Variants in KIAA1328 observed in about 807,000 individuals in gnomAD.
KIAA1328 encodes KIAA1328.
In KIAA1328, 52 loss-of-function variants were observed where a neutral mutation model predicts 68.1. That is an observed-to-expected ratio of 0.76 (90% CI 0.61 to 0.96). The LOEUF is 0.96. Ranked by LOEUF, KIAA1328 falls within the 40% of genes least tolerant of loss-of-function variation. KIAA1328 has a pLI of 0.00. For synonymous variants in KIAA1328, 232 were observed against 239.4 expected, an observed-to-expected ratio of 0.97 and a Z score of 0.28; for missense variants, 641 against 677.6, an observed-to-expected ratio of 0.95 and a Z score of 0.60.
intron 6 of KIAA1328, among the ~76,000 whole-genome samples, chr18:37,027,301 A>T (rs1056073220): frequency 6.6e-6 from 1 of 152,194 alleles, no homozygotes; most frequent in Admixed American, 6.5e-5. Flanking sequence ...GCCCAAGGTA[A>T]TTTATAGATT....
intron 9 of KIAA1328, among the ~76,000 whole-genome samples, chr18:37,219,668 G>C (rs2060518747): frequency 6.6e-6 from 1 of 152,212 alleles, no homozygotes; most frequent in Non-Finnish European, 1.5e-5. Context: ...TGTGCCATTT[G>C]CTAAGACTGT....
At chr18:36,848,623 C>T (rs187073482) in intron 4 of KIAA1328, among the ~76,000 whole-genome samples, 7 of 128,680 alleles carry the variant, frequency 5.4e-5, no homozygotes, top group Non-Finnish European at 6.3e-5. Context: ...GGTGAATGGA[C>T]GTCTTTGCCT....
chr18:37,200,627 A>T (rs1040728070), intron 9 of KIAA1328, among the ~76,000 whole-genome samples: 1 of 151,654 alleles, frequency 6.6e-6, no homozygotes, highest in African/African-American at 2.4e-5. Flanking sequence ...CTGGCTAACA[A>T]GGTGAAACCC....
chr18:37,123,355 T>C (rs562482319), intron 7 of KIAA1328, among the ~76,000 whole-genome samples: 2 of 152,142 alleles, frequency 1.3e-5, no homozygotes, highest in South Asian at 4.1e-4. Flanking sequence ...CATAATTAGA[T>C]ATGTAACCAA....
At chr18:37,057,044 C>A (rs558319418) in intron 6 of KIAA1328, among the ~76,000 whole-genome samples, 22 of 152,004 alleles carry the variant, frequency 1.4e-4, no homozygotes, top group Non-Finnish European at 2.6e-4. Context: ...GTTTTTGTAG[C>A]CTATGTATAT....
intron 7 of KIAA1328, among the ~76,000 whole-genome samples, chr18:37,115,471 A>C (rs1309010917): frequency 2.6e-5 from 4 of 152,246 alleles, no homozygotes; most frequent in African/African-American, 9.6e-5. Flanking sequence ...ACAGCCCTTC[A>C]TGCTAAAAAC....
At chr18:36,979,083 C>T (rs1426642822) in intron 6 of KIAA1328, among the ~76,000 whole-genome samples, 1 of 152,018 alleles carries the variant, frequency 6.6e-6, no homozygotes, top group Non-Finnish European at 1.5e-5. Context: ...CACTTGAGCC[C>T]AGGAGTTCAA....
chr18:36,904,325 A>G (rs1290195989), intron 5 of KIAA1328, among the ~76,000 whole-genome samples: 1 of 152,122 alleles, frequency 6.6e-6, no homozygotes, highest in Non-Finnish European at 1.5e-5. Context: ...AGAAAGGGGT[A>G]TTAATATCTC....
intron 6 of KIAA1328, among the ~76,000 whole-genome samples, chr18:37,048,975 A>G (rs1286081266): frequency 6.6e-6 from 1 of 152,182 alleles, no homozygotes. Context: ...TGAGGTTGAA[A>G]GTAACATTTT....
At chr18:37,220,071 A>G (rs528019419) in intron 9 of KIAA1328, among the ~76,000 whole-genome samples, 1 of 152,350 alleles carries the variant, frequency 6.6e-6, no homozygotes, top group South Asian at 2.1e-4. Context: ...CAACATTTGC[A>G]TAGATTTCTA....
intron 7 of KIAA1328, chr18:37,075,195 A>G (rs2056676900): frequency 6.6e-6 from 1 of 151,888 alleles, no homozygotes; most frequent in Admixed American, 6.6e-5. Flanking sequence ...CTTAAAGAAA[A>G]GAATTTTCAA....
intron 6 of KIAA1328, among the ~76,000 whole-genome samples, chr18:37,006,645 A>G (rs2053795876): frequency 6.6e-6 from 1 of 152,084 alleles, no homozygotes; most frequent in South Asian, 2.1e-4. Context: ...CATTTACATT[A>G]GGTATAATGC....
chr18:37,154,903 C>G (rs1261513335), intron 7 of KIAA1328, among the ~76,000 whole-genome samples: 5 of 152,114 alleles, frequency 3.3e-5, no homozygotes, highest in African/African-American at 1.2e-4. Context: ...CACTTTCTTC[C>G]TGGACCGAAT....
intron 7 of KIAA1328, among the ~76,000 whole-genome samples, chr18:37,069,577 T>C (rs776107673): frequency 2.0e-5 from 3 of 152,198 alleles, no homozygotes; most frequent in Non-Finnish European, 4.4e-5. Context: ...TGGAAGAGAT[T>C]GTGTAGAATT....
chr18:37,000,157 G>T (rs192372974), intron 6 of KIAA1328, among the ~76,000 whole-genome samples: 1 of 151,996 alleles, frequency 6.6e-6, no homozygotes, highest in Non-Finnish European at 1.5e-5. Flanking sequence ...GTAAAGGGAC[G>T]AAAAAAGATG....
intron 6 of KIAA1328, among the ~76,000 whole-genome samples, chr18:36,972,839 G>A (rs899429493): frequency 6.6e-6 from 1 of 152,056 alleles, no homozygotes; most frequent in Non-Finnish European, 1.5e-5. Flanking sequence ...AGGGCCATTG[G>A]TGCATACACT....
At chr18:37,100,304 A>G (rs1044259597) in intron 7 of KIAA1328, among the ~76,000 whole-genome samples, 2 of 152,192 alleles carry the variant, frequency 1.3e-5, no homozygotes, top group African/African-American at 4.8e-5. Context: ...CACCTGGAAA[A>G]TCGGGTCACT....
chr18:37,079,131 C>G (rs1349288486), intron 7 of KIAA1328, among the ~76,000 whole-genome samples: 1 of 139,272 alleles, frequency 7.2e-6, no homozygotes, highest in African/African-American at 3.0e-5. Flanking sequence ...ACATATACAC[C>G]ATGGAATACT....
At chr18:36,942,052 A>C (rs2050733968) in intron 5 of KIAA1328, among the ~76,000 whole-genome samples, 1 of 152,226 alleles carries the variant, frequency 6.6e-6, no homozygotes, top group South Asian at 2.1e-4. Flanking sequence ...GTGGAAGTTA[A>C]TATTGAAAGG....
Sources: gnomAD v4.1 joint callset for allele counts (sites outside exome capture counted in the v4.1 genomes callset) on GRCh38, gnomAD v4.1.1 for gene constraint, MANE v1.5 for transcripts, NCBI Gene and HGNC (gene_info 2026-07-23, HGNC 2026-07-21) for gene names.